Variants in CLCC1 observed in about 807,000 individuals in gnomAD.
CLCC1 encodes chloride channel CLIC like 1.
CLCC1 carries 39 observed loss-of-function variants against 63.3 expected under a neutral mutation model. The ratio of observed to expected loss-of-function variants is 0.62; its 90% CI spans 0.48 to 0.81. The LOEUF is 0.81. Among genes scored for constraint, CLCC1 ranks in the 30% least tolerant of loss-of-function variants. The pLI is 0.00. For synonymous variants in CLCC1, 217 were observed against 239.8 expected (o/e 0.90, Z 0.88); for missense variants, 549 against 669.4 (o/e 0.82, Z 1.98).
intron 2 of CLCC1, among the ~76,000 whole-genome samples, chr1:108,957,047 T>G (rs1446830562): frequency 6.6e-6 from 1 of 151,332 alleles, no homozygotes; most frequent in Non-Finnish European, 1.5e-5. Context: ...ATGTAGAGAT[T>G]AGAATGGAAG....
chr1:108,963,257 G>A, intron 1 of CLCC1, 104 bp downstream of exon 1: 1 of 627,508 alleles, frequency 1.6e-6, no homozygotes, highest in Admixed American at 2.4e-5. Context: ...TCGCGCCTGC[G>A]GCCTCCCCAG....
intron 5 of CLCC1, among the ~76,000 whole-genome samples, chr1:108,945,589 A>G (rs961102199): frequency 2.6e-5 from 4 of 152,180 alleles, no homozygotes; most frequent in Non-Finnish European, 4.4e-5. Context: ...CAATTCATAA[A>G]TACGGAATCT....
intron 2 of CLCC1, among the ~76,000 whole-genome samples, chr1:108,952,627 C>T (rs1291898337): frequency 1.3e-5 from 2 of 151,502 alleles, no homozygotes; most frequent in East Asian, 3.9e-4. Flanking sequence ...GTTGAAACCC[C>T]ATCTCTACTA....
chr1:108,941,822 T>C (rs1653890777), intron 7 of CLCC1, among the ~76,000 whole-genome samples: 2 of 151,960 alleles, frequency 1.3e-5, no homozygotes, highest in African/African-American at 4.8e-5. Context: ...CCCAGCTAAT[T>C]TTTGTATTTT....
Position 108,943,612 on chromosome 1 carries a change from G to A in CLCC1, c.565C>T (p.Leu189Phe). The change falls in exon 7 of 13, where the codon CTT becomes TTT. Residue 189 changes from leucine to phenylalanine, a missense_variant. Physicochemically the swap from Leu to Phe is conservative, Grantham distance 22. Transcript: ENST00000369969. Reference protein sequence around the residue: ...GVDPYNVLMVLLCLLCIVVLV... With the variant: ...GVDPYNVLMVFLCLLCIVVLV... ...ACCACGATGCAGAGCAGACAAAGAAGTACCTTAAAACAGAGAGAAGCAGAA... is the reference window on the plus strand; with the variant it reads ...ACCACGATGCAGAGCAGACAAAGAAATACCTTAAAACAGAGAGAAGCAGAA... 1 of 1,573,826 alleles carries A rather than the reference G, an allele frequency of 6.4e-7. No individual in the cohort carries two copies. The highest frequency in any genetic ancestry group is 8.6e-7 in the Non-Finnish European group (1 of 1,165,182).
At position 108,937,064 on chromosome 1, in the gene CLCC1, G is replaced by A; in HGVS notation, c.1383+13C>T. The A allele has an allele frequency of 6.8e-7, 1 of 1,472,568 alleles. No homozygotes were observed. The highest frequency in any genetic ancestry group is 2.4e-5 in the East Asian group (1 of 41,866). 91.2% of individuals were successfully genotyped at this position (1,472,568 alleles called of 1,614,324 possible). ...AATGAAGGGACAGCAGAATAAAAGAGTTGCTGACTTACACTGGGTACCACC... is the reference window on the plus strand; with the variant it reads ...AATGAAGGGACAGCAGAATAAAAGAATTGCTGACTTACACTGGGTACCACC... On this transcript the variant is annotated intron_variant, in intron 11 of 12. Coordinates refer to ENST00000369969, the MANE Select transcript of CLCC1 (RefSeq NM_001377458.1).
chr1:108,943,522 T>C lies in CLCC1; in HGVS notation c.655A>G (p.Ile219Val). The C allele has an allele frequency of 1.9e-6, 3 of 1,614,134 alleles. No homozygotes were observed. Among genetic ancestry groups the C allele is most frequent in the Non-Finnish European group, 2.5e-6 (3 of 1,179,992 alleles). ...WYTQLRRVLI[I>V]SFLFSLGWNW... ...CATCCCAAACTGAACAGAAAGCTGA[T>C]GATTAAAACACGTCTCAACTGAGTG... Residue 219 changes from isoleucine to valine, a missense_variant, in exon 7 of 13, where the codon ATC becomes GTC. Ile to Val is a conservative substitution (Grantham distance 29). Transcript: ENST00000369969.
chr1:108,958,077 G>A (rs1410178889), intron 2 of CLCC1, among the ~76,000 whole-genome samples: 3 of 151,356 alleles, frequency 2.0e-5, no homozygotes, highest in Admixed American at 2.0e-4. Context: ...TAAGAGGTCA[G>A]GCGATCAGAG....
intron 9 of CLCC1, 122 bp downstream of exon 9, chr1:108,939,921 CTG>C: frequency 7.8e-7 from 1 of 1,274,890 alleles, no homozygotes; most frequent in Non-Finnish European, 1.1e-6. Context: ...GTGAAAATCA[CTG>C]TGCAAAAGTA....
intron 2 of CLCC1, among the ~76,000 whole-genome samples, chr1:108,961,033 A>AT (rs1400401675): frequency 6.6e-6 from 1 of 152,134 alleles, no homozygotes; most frequent in Non-Finnish European, 1.5e-5. Context: ...AAGTCGTACT[A>AT]TTGGCAACTA....
chr1:108,944,165 A>G (rs982753913), intron 5 of CLCC1, 108 bp from the exon 6 acceptor site: 2 of 770,324 alleles, frequency 2.6e-6, no homozygotes, highest in Non-Finnish European at 4.1e-6. Context: ...AGTTTGCAGT[A>G]TTTCATATGT....
chr1:108,954,145 A>AGCAATT (rs1290370849), intron 2 of CLCC1, among the ~76,000 whole-genome samples: 2 of 151,278 alleles, frequency 1.3e-5, no homozygotes, highest in African/African-American at 4.9e-5. Flanking sequence ...TGTATGCTTC[A>AGCAATT]GCAATTGCAA....
chr1:108,948,311 T>C (rs995624493), intron 4 of CLCC1, among the ~76,000 whole-genome samples: 1 of 152,222 alleles, frequency 6.6e-6, no homozygotes, highest in African/African-American at 2.4e-5. Context: ...ACCACCCACA[T>C]GGCAACCCTT....
Position 108,929,815 on chromosome 1 carries a change from G to A in CLCC1, c.*2732C>T, listed in dbSNP as rs554890802. Reference sequence around the variant, plus strand: ...TTTACGGTCCCAGGGAAAGAGAATGGATGAACAGAGAGTTCTTTTACAAAG... The same window carrying A: ...TTTACGGTCCCAGGGAAAGAGAATGAATGAACAGAGAGTTCTTTTACAAAG... On this transcript the variant is annotated 3_prime_UTR_variant, in exon 13 of 13. Transcript: ENST00000369969. 71 of 1,614,138 alleles carry A rather than the reference G, an allele frequency of 4.4e-5. No homozygotes were observed. The South Asian group carries it at 7.5e-4, about 17-fold the overall frequency.
In CLCC1 at chr1:108,935,880, C is replaced by T. The variant is rs567309401; in HGVS notation, c.1384-938G>A. ...CTCAAGTTCAAGGAACAGTCAGGAGCCCTTATGGCTAAAGTAGAGTAAGCA... is the reference window on the plus strand; with the variant it reads ...CTCAAGTTCAAGGAACAGTCAGGAGTCCTTATGGCTAAAGTAGAGTAAGCA... On this transcript the variant is annotated intron_variant, in intron 11 of 12. Coordinates refer to ENST00000369969, the MANE Select transcript of CLCC1 (RefSeq NM_001377458.1). Among the ~76,000 whole-genome samples the T allele has an allele frequency of 6.6e-5, 10 of 152,140 alleles. 1 individual carries two copies. In the East Asian group the frequency reaches 1.9e-3, roughly 29 times the overall value.
rs12743716 is a variant in CLCC1 at position 108,930,905 on chromosome 1, C to T, written c.*1642G>A. 51,916 of 150,138 alleles carry T rather than the reference C, an allele frequency of 0.35. 10,640 individuals carry two copies. Among genetic ancestry groups the T allele is most frequent in the African/African-American group, 0.57 (23,121 of 40,574 alleles). 9.3% of individuals were successfully genotyped at this position (150,138 alleles called of 1,614,324 possible). ...GACTCTGTCTCAAAAAAAAAAAAAA[C>T]AGCAAGCATGCTGGCACACACCTGT... On this transcript the variant is annotated 3_prime_UTR_variant, in exon 13 of 13. Coordinates refer to ENST00000369969, the MANE Select transcript of CLCC1 (RefSeq NM_001377458.1).
In CLCC1 at chr1:108,931,171, AAAC is replaced by A; in HGVS notation, c.*1373_*1375del. On this transcript the variant is annotated 3_prime_UTR_variant, in exon 13 of 13. Coordinates refer to ENST00000369969, the MANE Select transcript of CLCC1 (RefSeq NM_001377458.1). ...TTCTAAGTTCTAATATAAAAACAAA[AAAC>A]AAAACCCATGTGGTTAGGTCAAGAA... 1 of 809,806 alleles carries A rather than the reference AAAC, an allele frequency of 1.2e-6. No individual in the cohort carries two copies. Among genetic ancestry groups the A allele is most frequent in the Non-Finnish European group, 1.8e-6 (1 of 557,682 alleles). The allele number at this position is 809,806 out of a possible 1,614,324, so 50.2% of individuals were successfully genotyped here. A position where few individuals can be genotyped will look rare whatever the true frequency, so the allele number is the denominator to read the frequency against.
chr1:108,950,424 A>G lies in CLCC1; in HGVS notation c.14T>C (p.Leu5Ser), dbSNP rs746181339. ...CAGCAACAGACATTCACAAAGGAGC[A>G]AAGAACACAGCATCCTGTATAAGGC... MLCS[L>S]LLCECLLLVA... Residue 5 changes from leucine (L) to serine (S), a missense_variant, in exon 3 of 13, where the codon TTG becomes TCG. Transcript: ENST00000369969. 1 of 1,608,750 alleles carries G rather than the reference A, an allele frequency of 6.2e-7. No individual in the cohort carries two copies. The highest frequency in any genetic ancestry group is 1.1e-5 in the South Asian group (1 of 90,356).
intron 12 of CLCC1, 151 bp from the exon 13 acceptor site, chr1:108,932,652 A>G (rs1243556911): frequency 1.3e-5 from 2 of 152,242 alleles, no homozygotes; most frequent in Non-Finnish European, 2.9e-5. Context: ...GTCAGATCAC[A>G]GTTCAAAAGA....
Sources: allele counts gnomAD v4.1 joint callset (sites outside exome capture counted in the v4.1 genomes callset), GRCh38; gene constraint gnomAD v4.1.1; transcripts MANE v1.5; gene names NCBI Gene and HGNC (gene_info 2026-07-23, HGNC 2026-07-21).